The following ABLIM1 variants were observed in gnomAD, a reference collection of about 807,000 sequenced individuals.
ABLIM1 encodes actin-binding LIM protein 1.
ABLIM1 carries 40 observed loss-of-function variants against 107.0 expected under a neutral mutation model. The ratio of observed to expected loss-of-function variants is 0.37; its 90% CI spans 0.29 to 0.49. The LOEUF (loss-of-function observed/expected upper bound fraction) is 0.49, where lower values mean the gene tolerates loss of function less well. Ranked by LOEUF, ABLIM1 falls within the 20% of genes least tolerant of loss-of-function variation. The pLI is 0.97. For synonymous variants in ABLIM1, 357 were observed against 357.3 expected, an observed-to-expected ratio of 1.00 and a Z score of 0.01; for missense variants, 857 against 1,008.5, an observed-to-expected ratio of 0.85 and a Z score of 2.04.
At chr10:114,525,970 C>T (rs1044603014) in intron 6 of ABLIM1, among the ~76,000 whole-genome samples, 23 of 152,100 alleles carry the variant, frequency 1.5e-4, no homozygotes, top group East Asian at 5.8e-4. Flanking sequence ...CAGTATGATT[C>T]GATTAATAAC....
At position 114,741,065 on chromosome 10, in the gene ABLIM1, G is replaced by A. The variant is rs903494210; in HGVS notation, c.-213+26996C>T. On this transcript the variant is annotated intron_variant, in intron 1 of 15. Transcript: ENST00000651092. ...AAAAAGAATAAAGAAATAATAAAAA[G>A]TTGTGTTTCTGCTTCTCTGGGGTGA... 7.3e-5 allele frequency among the ~76,000 whole-genome samples: 11 copies of A among 151,050 alleles called. No individual in the cohort carries two copies. In the East Asian group the frequency reaches 1.8e-3, roughly 24 times the overall value.
intron 1 of ABLIM1, among the ~76,000 whole-genome samples, chr10:114,673,978 A>G (rs953081635): frequency 6.6e-6 from 1 of 152,230 alleles, no homozygotes; most frequent in African/African-American, 2.4e-5. Context: ...TTATCTAGTT[A>G]GCAAAATAGA....
intron 1 of ABLIM1, among the ~76,000 whole-genome samples, chr10:114,766,153 T>C (rs1170711045): frequency 6.6e-6 from 1 of 152,198 alleles, no homozygotes; most frequent in Admixed American, 6.5e-5. Context: ...CCTTCATCTG[T>C]AAAATGGGGA....
At position 114,707,141 on chromosome 10, in the gene ABLIM1, C is replaced by T. The variant is rs1365640468; in HGVS notation, c.-213+60920G>A. On this transcript the variant is annotated intron_variant, in intron 1 of 15. Coordinates refer to the ABLIM1 transcript ENST00000651092. This position sits in a 1 kb window ranked among gnomAD's most constrained non-coding sequence, Gnocchi z 4.1. ...ATATCAAAAATACTGTCATTTCAAA[C>T]GTGGTCAATGACCACATGTGATGAG... is the stretch of plus-strand genomic sequence containing the variant. Among the ~76,000 whole-genome samples, 3 of 152,134 alleles carry T rather than the reference C, an allele frequency of 2.0e-5. No homozygotes were observed. Among genetic ancestry groups the T allele is most frequent in the Non-Finnish European group, 4.4e-5 (3 of 68,026 alleles).
chr10:114,469,656 A>G (rs1590061820), intron 10 of ABLIM1, among the ~76,000 whole-genome samples: 1 of 152,148 alleles, frequency 6.6e-6, no homozygotes, highest in Non-Finnish European at 1.5e-5. Context: ...ATTATATTAC[A>G]TATCTGTTTC....
At chr10:114,687,922 C>T (rs547637897), upstream of ABLIM1, among the ~76,000 whole-genome samples, 1 of 152,078 alleles carries the variant, frequency 6.6e-6, no homozygotes, top group Non-Finnish European at 1.5e-5. Context: ...TTTCCCTGAA[C>T]TTGTCTTCCA....
rs979079482 is a variant in ABLIM1 at position 114,432,805 on chromosome 10, C to A, written c.*3455G>T. On this transcript the variant is annotated 3_prime_UTR_variant, in exon 23 of 23. Transcript: ENST00000533213. ...AAAACTACCCCCATTTAAAAAAAAACAACAACTCATTAACTCTATCTCTTT... is the reference window on the plus strand; with the variant it reads ...AAAACTACCCCCATTTAAAAAAAAAAAACAACTCATTAACTCTATCTCTTT... 8 of 151,800 alleles carry A rather than the reference C, an allele frequency of 5.3e-5. No homozygotes were observed. The highest frequency in any genetic ancestry group is 1.2e-4 in the Non-Finnish European group (8 of 67,952). The allele number at this position is 151,800 out of a possible 1,614,324, so 9.4% of individuals were successfully genotyped here.
At chr10:114,746,582 A>T (rs2082390644) in intron 1 of ABLIM1, among the ~76,000 whole-genome samples, 1 of 152,178 alleles carries the variant, frequency 6.6e-6, no homozygotes, top group Non-Finnish European at 1.5e-5. Context: ...AGCGATTTCA[A>T]ATCTTTTTGG....
intron 14 of ABLIM1, among the ~76,000 whole-genome samples, chr10:114,450,694 G>A (rs929292583): frequency 5.3e-5 from 8 of 151,746 alleles, no homozygotes; most frequent in Admixed American, 1.3e-4. Flanking sequence ...CACCTGCCTC[G>A]GCCTCCCACA....
At chr10:114,800,467 C>T in the ABLIM1 span, among the ~76,000 whole-genome samples, 10 of 152,260 alleles carry the variant, frequency 6.6e-5, no homozygotes, top group African/African-American at 2.4e-4. Flanking sequence ...GGAAATGGTA[C>T]ATTATTTTTT....
chr10:114,777,835 CCT>C, the ABLIM1 span: 1 of 152,254 alleles, frequency 6.6e-6, no homozygotes, highest in African/African-American at 2.4e-5. Context: ...GAAGTACTCC[CCT>C]CTCTCTGCAA....
chr10:114,742,928 A>G (rs954673768), intron 1 of ABLIM1, among the ~76,000 whole-genome samples: 22 of 152,154 alleles, frequency 1.4e-4, no homozygotes, highest in African/African-American at 5.3e-4. Flanking sequence ...GTCTCAAAAA[A>G]ATAAAAAAAT....
the ABLIM1 span, among the ~76,000 whole-genome samples, chr10:114,790,941 T>G: frequency 6.6e-6 from 1 of 152,210 alleles, no homozygotes; most frequent in East Asian, 1.9e-4. Flanking sequence ...AATGCATTTT[T>G]CAGGGAAGAA....
intron 11 of ABLIM1, among the ~76,000 whole-genome samples, chr10:114,467,914 T>C (rs1535387): frequency 0.31 from 47,249 of 152,086 alleles, 8,224 homozygotes; most frequent in African/African-American, 0.47. Flanking sequence ...CTTATGTTCC[T>C]GCAGACACTT....
chr10:114,459,061 T>C (rs2063359445), intron 12 of ABLIM1, among the ~76,000 whole-genome samples: 2 of 152,204 alleles, frequency 1.3e-5, no homozygotes, highest in African/African-American at 2.4e-5. Flanking sequence ...TTTACAACCA[T>C]GCAGGCGTCC....
chr10:114,444,182 G>A, intron 16 of ABLIM1, 48 bp from the exon 17 acceptor site: 1 of 1,465,962 alleles, frequency 6.8e-7, no homozygotes, highest in Non-Finnish European at 9.2e-7. Flanking sequence ...AGCAAAGCTT[G>A]CAATTACTTT....
At chr10:114,684,571 A>G in exon 1 of ABLIM1, 1 of 1,347,126 alleles carries the variant, frequency 7.4e-7, no homozygotes, top group Non-Finnish European at 9.6e-7. Flanking sequence ...TTCCTCATGT[A>G]CAGATTCTGC....
chr10:114,632,998 G>C (rs1400879859), intron 1 of ABLIM1, among the ~76,000 whole-genome samples: 1 of 152,088 alleles, frequency 6.6e-6, no homozygotes, highest in Non-Finnish European at 1.5e-5. Context: ...ACACCCACCT[G>C]ACTCCAGCCT....
At chr10:114,586,694 A>G (rs1476996003) in intron 2 of ABLIM1, among the ~76,000 whole-genome samples, 1 of 56,668 alleles carries the variant, frequency 1.8e-5, no homozygotes, top group Non-Finnish European at 3.3e-5. Context: ...GTTCAGAAAT[A>G]TTTGATAGAA....
Sources: allele counts gnomAD v4.1 joint callset (sites outside exome capture counted in the v4.1 genomes callset), GRCh38; gene constraint gnomAD v4.1.1; non-coding constraint Gnocchi (gnomAD v3.1); transcripts MANE v1.5; gene names NCBI Gene and HGNC (gene_info 2026-07-23, HGNC 2026-07-21).